Variants in WDR72 observed in about 807,000 individuals in gnomAD.
WDR72 encodes the protein WD repeat domain 72.
In WDR72, 120 loss-of-function variants were observed where a neutral mutation model predicts 124.2. The ratio of observed to expected loss-of-function variants is 0.97; its 90% confidence interval spans 0.83 to 1.12. The LOEUF (loss-of-function observed/expected upper bound fraction) is 1.12. Ranked by LOEUF, WDR72 falls within the 50% of genes most tolerant of loss-of-function variation. The pLI is 0.00. For synonymous variants in WDR72, 452 were observed against 441.7 expected (o/e 1.02, Z -0.29); for missense variants, 1,387 against 1,278.8 (o/e 1.08, Z -1.29).
chr15:53,688,550 G>A (rs183734409), intron 13 of WDR72, among the ~76,000 whole-genome samples: 1,618 of 152,068 alleles, frequency 0.011, 31 homozygotes, highest in African/African-American at 0.033. Context: ...ACCACTGCTC[G>A]AGGAAATAAA....
intron 17 of WDR72, among the ~76,000 whole-genome samples, chr15:53,608,697 AG>A (rs2013396414): frequency 6.6e-6 from 1 of 152,088 alleles, no homozygotes; most frequent in Admixed American, 6.6e-5. Context: ...ACGAGGCTGC[AG>A]TGAGCTGTTA....
chr15:53,570,262 A>ATTT lies in WDR72; in HGVS notation c.3148+26814_3148+26816dup, dbSNP rs34458553. On this transcript the variant is annotated intron_variant, in intron 18 of 19. Coordinates refer to ENST00000360509, the MANE Select transcript of WDR72 (RefSeq NM_182758.4). ...TAACATATGTATTACCTCATATACC[A>ATTT]TTTTTTTTTTTTTGTGGTGAGAACA... 7.6e-4 allele frequency among the ~76,000 whole-genome samples: 112 copies of ATTT among 146,570 alleles called. 1 individual carries two copies. The highest frequency in any genetic ancestry group is 2.2e-3 in the African/African-American group (87 of 40,396).
chr15:53,755,826 A>G (rs1431884189), intron 1 of WDR72, among the ~76,000 whole-genome samples: 1 of 152,202 alleles, frequency 6.6e-6, no homozygotes, highest in East Asian at 1.9e-4. Flanking sequence ...AAGTCCAATT[A>G]CTGAAACATT....
chr15:53,739,448 T>C (rs1371053077), intron 1 of WDR72, among the ~76,000 whole-genome samples: 2 of 152,184 alleles, frequency 1.3e-5, no homozygotes, highest in African/African-American at 4.8e-5. Context: ...ATGTCCAATA[T>C]ACTCTACTAT....
chr15:53,704,774 C>A (rs1263860250), intron 11 of WDR72, among the ~76,000 whole-genome samples: 1 of 144,436 alleles, frequency 6.9e-6, no homozygotes, highest in Non-Finnish European at 1.5e-5. Context: ...CCTCGTGATC[C>A]GCCCGCCTTG....
At position 53,612,535 on chromosome 15, in the gene WDR72, G is replaced by T. The variant is rs151292512; in HGVS notation, c.2872+1131C>A. On this transcript the variant is annotated intron_variant, in intron 16 of 19. Coordinates refer to ENST00000360509, the MANE Select transcript of WDR72 (RefSeq NM_182758.4). Reference sequence around the variant, plus strand: ...AGGCAAAGGTACAGCTAATGCAAAGGTCCTCAGACCTGCTTGTCATGCTTG... The same window carrying T: ...AGGCAAAGGTACAGCTAATGCAAAGTTCCTCAGACCTGCTTGTCATGCTTG... Among the ~76,000 whole-genome samples the T allele has an allele frequency of 1.4e-3, 211 of 152,086 alleles. 1 individual carries two copies. The highest frequency in any genetic ancestry group is 1.8e-3 in the Non-Finnish European group (125 of 67,972).
intron 18 of WDR72, among the ~76,000 whole-genome samples, chr15:53,562,137 G>A (rs554003401): frequency 2.6e-4 from 40 of 151,744 alleles, no homozygotes; most frequent in Non-Finnish European, 5.3e-4. Context: ...AGCAAACTGA[G>A]ACCAGGAGGG....
intron 17 of WDR72, among the ~76,000 whole-genome samples, chr15:53,600,276 G>A (rs1219794376): frequency 6.6e-6 from 1 of 151,964 alleles, no homozygotes; most frequent in East Asian, 1.9e-4. Context: ...GATTTTACAG[G>A]TAGTCAATAG....
At chr15:53,646,018 A>G (rs1417012418) in intron 14 of WDR72, among the ~76,000 whole-genome samples, 1 of 152,214 alleles carries the variant, frequency 6.6e-6, no homozygotes, top group African/African-American at 2.4e-5. Context: ...TGATGACCCT[A>G]TCTTACAGGA....
At chr15:53,625,938 A>C (rs1166023870) in intron 14 of WDR72, among the ~76,000 whole-genome samples, 1 of 152,164 alleles carries the variant, frequency 6.6e-6, no homozygotes, top group Non-Finnish European at 1.5e-5. Context: ...AGAAAAACAA[A>C]ATGCTTAAAC....
intron 18 of WDR72, among the ~76,000 whole-genome samples, chr15:53,531,361 A>G (rs1288252514): frequency 6.6e-6 from 1 of 152,120 alleles, no homozygotes; most frequent in Non-Finnish European, 1.5e-5. Context: ...CACAAGACAT[A>G]GAAAGCATAG....
chr15:53,663,148 T>A (rs920894049), intron 14 of WDR72, among the ~76,000 whole-genome samples: 2 of 151,776 alleles, frequency 1.3e-5, no homozygotes, highest in African/African-American at 2.4e-5. Context: ...TCTATCAGGA[T>A]GAAATGCTAA....
rs1017710400 is a variant in WDR72 at position 53,616,331 on chromosome 15, T to C, written c.1963-88A>G. On this transcript the variant is annotated intron_variant, in intron 14 of 19. Coordinates refer to ENST00000360509, the MANE Select transcript of WDR72 (RefSeq NM_182758.4). The stretch of plus-strand genomic sequence containing the variant: ...ATGTTAAAGTGGCATTTTTAAAAAG[T>C]ATTACATTGCAGAGCAGCTAAAGGC... 11 of 1,152,576 alleles carry C rather than the reference T, an allele frequency of 9.5e-6. No individual in the cohort carries two copies. In the African/African-American group the frequency reaches 1.2e-4, roughly 13 times the overall value. The allele number at this position is 1,152,576 out of a possible 1,614,324, so 71.4% of individuals were successfully genotyped here. A position where few individuals can be genotyped will look rare whatever the true frequency, so the allele number is the denominator to read the frequency against.
chr15:53,601,887 C>A (rs1165213800), intron 17 of WDR72, among the ~76,000 whole-genome samples: 2 of 151,978 alleles, frequency 1.3e-5, no homozygotes, highest in Admixed American at 6.5e-5. Context: ...CCCCACACAA[C>A]AATCATGGGA....
Position 53,597,085 on chromosome 15 carries a change from G to C in WDR72, c.3142C>G (p.Leu1048Val), listed in dbSNP as rs111575879. ...CAATAAATTTTGTACTTACTTTGCA[G>C]AGGCAAAGTGTTTCTAACACACTGT... ...ELQCVRNTLPLQTPVSPVKHD... is the reference protein window; with the variant it reads ...ELQCVRNTLPVQTPVSPVKHD... Residue 1048 changes from leucine (L) to valine (V), a missense_variant, in exon 18 of 20, where the codon CTG becomes GTG. By Grantham distance (32) the Leu-to-Val change is conservative. Coordinates refer to ENST00000360509, the MANE Select transcript of WDR72 (RefSeq NM_182758.4). 38 of 1,613,544 alleles carry C rather than the reference G, an allele frequency of 2.4e-5. 1 individual carries two copies. The African/African-American group carries it at 2.5e-4, about 11-fold the overall frequency.
intron 13 of WDR72, among the ~76,000 whole-genome samples, chr15:53,688,828 C>T (rs1248763544): frequency 6.6e-6 from 1 of 151,856 alleles, no homozygotes; most frequent in African/African-American, 2.4e-5. Flanking sequence ...TACAAGGCTA[C>T]AGTAACCAAA....
At chr15:53,667,732 G>A (rs1299329728) in intron 13 of WDR72, among the ~76,000 whole-genome samples, 1 of 152,014 alleles carries the variant, frequency 6.6e-6, no homozygotes, top group African/African-American at 2.4e-5. Flanking sequence ...CTCAAACTAT[G>A]ATATTGTTTA....
At chr15:53,567,615 T>C (rs1010543893) in intron 18 of WDR72, among the ~76,000 whole-genome samples, 3 of 152,100 alleles carry the variant, frequency 2.0e-5, no homozygotes, top group African/African-American at 7.2e-5. Context: ...TCTTTTATGT[T>C]AGCATACCAA....
At chr15:53,588,735 C>T (rs956759371) in intron 18 of WDR72, among the ~76,000 whole-genome samples, 1 of 149,700 alleles carries the variant, frequency 6.7e-6, no homozygotes, top group African/African-American at 2.4e-5. Context: ...GAATTTAGTC[C>T]CTCTATTTAC....
Sources: gnomAD v4.1 joint callset for allele counts (sites outside exome capture counted in the v4.1 genomes callset) on GRCh38, gnomAD v4.1.1 for gene constraint, MANE v1.5 for transcripts, NCBI Gene and HGNC (gene_info 2026-07-23, HGNC 2026-07-21) for gene names.